RIMS1: variants seen among roughly 807,000 people sequenced by gnomAD.
RIMS1 encodes regulating synaptic membrane exocytosis 1.
Under a neutral mutation model 214.1 loss-of-function variants are expected in RIMS1, and 83 were observed. That is an observed-to-expected ratio of 0.39 (90% CI 0.32 to 0.47). The LOEUF (loss-of-function observed/expected upper bound fraction) is 0.47, where lower values mean the gene tolerates loss of function less well. Among genes scored for constraint, RIMS1 ranks in the 20% least tolerant of loss-of-function variants. The pLI, the probability that RIMS1 is intolerant of heterozygous loss-of-function variation, is 0.99. For synonymous variants in RIMS1, 793 were observed against 786.8 expected (o/e 1.01, Z -0.13); for missense variants, 2,050 against 2,161.8 (o/e 0.95, Z 1.03).
chr6:72,332,846 G>A (rs2096718100), intron 28 of RIMS1, among the ~76,000 whole-genome samples: 1 of 151,676 alleles, frequency 6.6e-6, no homozygotes, highest in African/African-American at 2.4e-5. Context: ...TTTGGGGAGA[G>A]AAGGAATCTA....
chr6:72,210,476 C>A (rs1423002476), intron 6 of RIMS1, among the ~76,000 whole-genome samples: 1 of 152,200 alleles, frequency 6.6e-6, no homozygotes, highest in African/African-American at 2.4e-5. Flanking sequence ...GCTAACATCT[C>A]TGTAAACTGG....
intron 23 of RIMS1, among the ~76,000 whole-genome samples, chr6:72,275,120 GTATATATATATATATATATATA>G (rs10526446): frequency 0.037 from 3,038 of 81,334 alleles, 200 homozygotes; most frequent in South Asian, 0.042. Context: ...CTATTTTATG[GTATATATATATATATATATATA>G]TATATATATA....
chr6:72,037,958 C>T (rs1326106766), intron 2 of RIMS1, among the ~76,000 whole-genome samples: 2 of 150,636 alleles, frequency 1.3e-5, no homozygotes, highest in African/African-American at 2.4e-5. Context: ...TTGCTCATTT[C>T]TTAAGATATC....
chr6:72,119,766 T>G (rs1166358884), intron 4 of RIMS1, among the ~76,000 whole-genome samples: 1 of 151,668 alleles, frequency 6.6e-6, no homozygotes, highest in Non-Finnish European at 1.5e-5. Context: ...AACTCGTCAT[T>G]TACATCAGGT....
chr6:71,896,238 G>A (rs564726352), intron 1 of RIMS1, among the ~76,000 whole-genome samples: 1 of 152,276 alleles, frequency 6.6e-6, no homozygotes, highest in East Asian at 1.9e-4. Context: ...ATAAAATACA[G>A]TAAAGTCTTC....
intron 1 of RIMS1, among the ~76,000 whole-genome samples, chr6:71,950,933 G>T (rs906919664): frequency 6.6e-6 from 1 of 152,118 alleles, no homozygotes; most frequent in African/African-American, 2.4e-5. Flanking sequence ...TTATTGGGCT[G>T]CCTTGACAAA....
intron 4 of RIMS1, among the ~76,000 whole-genome samples, chr6:72,143,073 A>G (rs960048493): frequency 6.6e-6 from 1 of 152,142 alleles, no homozygotes; most frequent in African/African-American, 2.4e-5. Flanking sequence ...AATTATGTCC[A>G]GAATATAGTG....
At chr6:71,940,351 C>G (rs1314976423) in intron 1 of RIMS1, among the ~76,000 whole-genome samples, 3 of 152,066 alleles carry the variant, frequency 2.0e-5, no homozygotes, top group South Asian at 4.2e-4. Context: ...CACATGGAGT[C>G]CAGCAAAAAT....
chr6:72,390,085 A>G lies in RIMS1; in HGVS notation c.4367-513A>G, dbSNP rs182201066. Among the ~76,000 whole-genome samples, 17 of 152,322 alleles carry G rather than the reference A, an allele frequency of 1.1e-4. No individual in the cohort carries two copies. The East Asian group carries it at 3.3e-3, about 29-fold the overall frequency. On this transcript the variant is annotated intron_variant, in intron 29 of 33. Transcript: ENST00000521978. ...ATAGTGTATGTTAAAGTGCTGCAAA[A>G]ATCATCAATTAAAATACTAGTTTCT...
chr6:71,943,679 A>G (rs2151040661), intron 1 of RIMS1, among the ~76,000 whole-genome samples: 1 of 152,306 alleles, frequency 6.6e-6, no homozygotes, highest in African/African-American at 2.4e-5. Flanking sequence ...TATAGGCAAT[A>G]AGCATTTTTT....
chr6:72,085,361 CTG>C (rs750340005), intron 2 of RIMS1, among the ~76,000 whole-genome samples: 7 of 152,184 alleles, frequency 4.6e-5, no homozygotes, highest in Non-Finnish European at 1.0e-4. Context: ...GTACAAAACA[CTG>C]TGATGCTTTT....
At chr6:72,181,870 C>G (rs754880245) in intron 5 of RIMS1, among the ~76,000 whole-genome samples, 12 of 152,190 alleles carry the variant, frequency 7.9e-5, no homozygotes, top group African/African-American at 2.9e-4. Context: ...ATCAGAGACA[C>G]TGGAGAACTC....
intron 6 of RIMS1, among the ~76,000 whole-genome samples, chr6:72,212,446 A>C (rs2053987482): frequency 6.6e-6 from 1 of 152,148 alleles, no homozygotes; most frequent in Admixed American, 6.5e-5. Flanking sequence ...AATATGTAAC[A>C]GTTAAAAATA....
intron 2 of RIMS1, among the ~76,000 whole-genome samples, chr6:72,025,770 A>G (rs986214590): frequency 4.6e-5 from 7 of 152,212 alleles, no homozygotes; most frequent in African/African-American, 9.7e-5. Context: ...AAAAATTTCT[A>G]TGAGTGGTTC....
intron 26 of RIMS1, among the ~76,000 whole-genome samples, chr6:72,293,227 T>C (rs758973397): frequency 2.0e-5 from 3 of 152,032 alleles, no homozygotes; most frequent in Non-Finnish European, 4.4e-5. Context: ...CTCCATGCTT[T>C]AGTTTTCAGG....
chr6:72,162,387 A>T (rs2045572520), intron 4 of RIMS1, among the ~76,000 whole-genome samples: 1 of 140,660 alleles, frequency 7.1e-6, no homozygotes, highest in Non-Finnish European at 1.6e-5. Flanking sequence ...GCCCATTGAC[A>T]TTTAAGGTTA....
chr6:71,900,231 G>C (rs973527345), intron 1 of RIMS1, among the ~76,000 whole-genome samples: 6 of 152,032 alleles, frequency 3.9e-5, no homozygotes, highest in Non-Finnish European at 7.4e-5. Flanking sequence ...TGATGGAAGG[G>C]GGAGTGGTAA....
intron 2 of RIMS1, among the ~76,000 whole-genome samples, chr6:72,058,730 C>A (rs999944754): frequency 2.6e-5 from 4 of 152,140 alleles, no homozygotes; most frequent in African/African-American, 9.7e-5. Context: ...TTATTTCTTG[C>A]CGAGGACATC....
At chr6:72,339,814 T>C (rs1397480877) in intron 29 of RIMS1, among the ~76,000 whole-genome samples, 2 of 152,046 alleles carry the variant, frequency 1.3e-5, no homozygotes, top group Admixed American at 6.6e-5. Context: ...ATGGGATGGC[T>C]GGGTCAAATG....
Sources: gnomAD v4.1 joint callset for allele counts (sites outside exome capture counted in the v4.1 genomes callset) on GRCh38, gnomAD v4.1.1 for gene constraint, MANE v1.5 for transcripts, NCBI Gene and HGNC (gene_info 2026-07-23, HGNC 2026-07-21) for gene names.